The following ZNF385B variants were observed in gnomAD, a reference collection of about 807,000 sequenced individuals.
ZNF385B encodes the protein zinc finger protein 385B, also known as zinc finger protein 533.
A neutral mutation model predicts 39.2 loss-of-function variants in ZNF385B; 23 were observed. The observed-to-expected ratio is 0.59, with a 90% CI of 0.42 to 0.83. The LOEUF (loss-of-function observed/expected upper bound fraction) is 0.83. Among genes scored for constraint, ZNF385B ranks in the 40% least tolerant of loss-of-function variants. The pLI is 0.00. For missense variants in ZNF385B, 552 were observed against 598.9 expected, an observed-to-expected ratio of 0.92 and a Z score of 0.82; for synonymous variants, 205 against 222.6, an observed-to-expected ratio of 0.92 and a Z score of 0.70.
chr2:179,755,160 T>A (rs1178371025), intron 3 of ZNF385B, among the ~76,000 whole-genome samples: 2 of 152,228 alleles, frequency 1.3e-5, no homozygotes, highest in East Asian at 3.8e-4. Flanking sequence ...TCAAAGAACA[T>A]CTTTATTTCT....
At chr2:179,541,708 G>A (rs2059928819) in intron 4 of ZNF385B, among the ~76,000 whole-genome samples, 1 of 152,086 alleles carries the variant, frequency 6.6e-6, no homozygotes, top group Non-Finnish European at 1.5e-5. Flanking sequence ...AATATATTCT[G>A]CTTCGTGTTG....
intron 1 of ZNF385B, among the ~76,000 whole-genome samples, chr2:179,813,704 C>T (rs1238470009): frequency 6.6e-6 from 1 of 152,128 alleles, no homozygotes; most frequent in African/African-American, 2.4e-5. Flanking sequence ...TCTCATAAAG[C>T]AACTTTTAAA....
At chr2:179,729,500 G>A (rs1484009076) in intron 3 of ZNF385B, among the ~76,000 whole-genome samples, 1 of 152,314 alleles carries the variant, frequency 6.6e-6, no homozygotes, top group East Asian at 1.9e-4. Context: ...GCATTTTCAA[G>A]TTCAGAGATA....
intron 3 of ZNF385B, among the ~76,000 whole-genome samples, chr2:179,613,040 G>A (rs780619554): frequency 2.0e-5 from 3 of 152,166 alleles, no homozygotes; most frequent in Non-Finnish European, 2.9e-5. Context: ...AACAAGTATC[G>A]GCTGGCTACT....
chr2:179,750,984 T>C (rs1307775386), intron 3 of ZNF385B, among the ~76,000 whole-genome samples: 2 of 152,136 alleles, frequency 1.3e-5, no homozygotes, highest in Non-Finnish European at 2.9e-5. Flanking sequence ...TGATGCATTC[T>C]AGCCTTGTCT....
intron 6 of ZNF385B, among the ~76,000 whole-genome samples, chr2:179,470,005 C>T (rs1266805202): frequency 6.6e-6 from 1 of 152,208 alleles, no homozygotes; most frequent in African/African-American, 2.4e-5. Flanking sequence ...TCCTTTGCAA[C>T]TGACAAGCGG....
chr2:179,528,726 T>C (rs891695334), intron 4 of ZNF385B, among the ~76,000 whole-genome samples: 1 of 152,228 alleles, frequency 6.6e-6, no homozygotes, highest in African/African-American at 2.4e-5. Flanking sequence ...ACTTTGTTAA[T>C]AGGAGATGCC....
intron 3 of ZNF385B, among the ~76,000 whole-genome samples, chr2:179,720,393 C>G (rs115895207): frequency 0.13 from 16,923 of 128,742 alleles, 1,505 homozygotes; most frequent in East Asian, 0.49. Context: ...GAAAAGAGAG[C>G]AGGGGAGAGG....
chr2:179,838,663 T>G (rs1015047458), intron 1 of ZNF385B, among the ~76,000 whole-genome samples: 5 of 152,174 alleles, frequency 3.3e-5, no homozygotes, highest in Admixed American at 2.6e-4. Flanking sequence ...TAGATAGATA[T>G]ATAAATATCT....
At chr2:179,645,201 G>A (rs1449122796) in intron 3 of ZNF385B, among the ~76,000 whole-genome samples, 1 of 152,332 alleles carries the variant, frequency 6.6e-6, no homozygotes, top group Admixed American at 6.5e-5. Context: ...CAGCACGGCA[G>A]CTGGAACAAA....
At chr2:179,479,876 G>A (rs2105575781) in intron 6 of ZNF385B, among the ~76,000 whole-genome samples, 1 of 152,016 alleles carries the variant, frequency 6.6e-6, no homozygotes, top group African/African-American at 2.4e-5. Flanking sequence ...TTCATCTGTG[G>A]GTCACAAGTT....
chr2:179,535,361 T>C (rs1416709642), intron 4 of ZNF385B, among the ~76,000 whole-genome samples: 1 of 152,196 alleles, frequency 6.6e-6, no homozygotes, highest in Admixed American at 6.5e-5. Context: ...TAAAAAAATA[T>C]TTCGCACATG....
At chr2:179,620,283 C>G (rs139635466) in intron 3 of ZNF385B, among the ~76,000 whole-genome samples, 1 of 152,172 alleles carries the variant, frequency 6.6e-6, no homozygotes, top group Non-Finnish European at 1.5e-5. Context: ...CTTGTTGACT[C>G]CTATCTATAA....
intron 1 of ZNF385B, among the ~76,000 whole-genome samples, chr2:179,780,603 C>T (rs1009966296): frequency 3.3e-5 from 5 of 152,150 alleles, no homozygotes; most frequent in Non-Finnish European, 7.3e-5. Context: ...GCCATGATCT[C>T]GTTTGGACTT....
At position 179,443,080 on chromosome 2, in the gene ZNF385B, C is replaced by A; in HGVS notation, c.*170G>T. ...AATTATAGGAGCAGTCTCTAAAAGC[C>A]CTCGTCAATCTAGTGATGTGTTTCT... On this transcript the variant is annotated 3_prime_UTR_variant, in exon 10 of 10. Transcript: ENST00000410066. The A allele has an allele frequency of 1.3e-6, 1 of 744,140 alleles. No homozygotes were observed. The highest frequency in any genetic ancestry group is 2.3e-6 in the Non-Finnish European group (1 of 433,582). 46.1% of individuals were successfully genotyped at this position (744,140 alleles called of 1,614,324 possible).
At chr2:179,564,810 T>G (rs1684365619) in intron 3 of ZNF385B, among the ~76,000 whole-genome samples, 1 of 152,130 alleles carries the variant, frequency 6.6e-6, no homozygotes, top group African/African-American at 2.4e-5. Context: ...CCCACCTGTA[T>G]CCCATTGGCA....
intron 3 of ZNF385B, among the ~76,000 whole-genome samples, chr2:179,746,644 T>C (rs1353025281): frequency 6.6e-6 from 1 of 152,186 alleles, no homozygotes; most frequent in African/African-American, 2.4e-5. Flanking sequence ...CTTTGCTCAT[T>C]ATTTTAAAAA....
intron 3 of ZNF385B, among the ~76,000 whole-genome samples, chr2:179,595,739 C>T (rs760735873): frequency 6.7e-6 from 1 of 149,732 alleles, no homozygotes; most frequent in African/African-American, 2.5e-5. Context: ...GATCTGCATA[C>T]CTAAGTGCAA....
chr2:179,520,151 G>A (rs1310201496), intron 4 of ZNF385B, among the ~76,000 whole-genome samples: 3 of 151,700 alleles, frequency 2.0e-5, no homozygotes, highest in Non-Finnish European at 2.9e-5. Flanking sequence ...GGGCAACACA[G>A]CAAGACCCTG....
Sources: allele counts gnomAD v4.1 joint callset (sites outside exome capture counted in the v4.1 genomes callset), GRCh38; gene constraint gnomAD v4.1.1; transcripts MANE v1.5; gene names NCBI Gene and HGNC (gene_info 2026-07-23, HGNC 2026-07-21).